Variants in TOGARAM1 observed in about 807,000 individuals in gnomAD.
The protein encoded by TOGARAM1 is TOG array regulator of axonemal microtubules protein 1.
A neutral mutation model predicts 166.6 loss-of-function variants in TOGARAM1; 100 were observed. The observed-to-expected ratio is 0.60, with a 90% confidence interval of 0.51 to 0.71. The LOEUF is 0.71. TOGARAM1 is among the 30% of genes least tolerant of loss of function. TOGARAM1 has a pLI of 0.00. For missense variants in TOGARAM1, 2,029 were observed against 2,102.7 expected (o/e 0.96, Z 0.69); for synonymous variants, 758 against 763.8 (o/e 0.99, Z 0.13).
intron 1 of TOGARAM1, among the ~76,000 whole-genome samples, chr14:44,990,815 G>T (rs1887081065): frequency 6.6e-6 from 1 of 151,832 alleles, no homozygotes; most frequent in African/African-American, 2.4e-5. Context: ...AAACACTTTG[G>T]GTTTTTTTCT....
intron 17 of TOGARAM1, among the ~76,000 whole-genome samples, chr14:45,067,758 TAATA>T (rs1342930169): frequency 1.3e-5 from 2 of 152,058 alleles, no homozygotes; most frequent in East Asian, 3.8e-4. Context: ...ACATGAAAAA[TAATA>T]AATAAGTATT....
intron 6 of TOGARAM1, among the ~76,000 whole-genome samples, chr14:45,011,464 C>T (rs927003938): frequency 1.3e-5 from 2 of 152,014 alleles, no homozygotes; most frequent in Non-Finnish European, 2.9e-5. Context: ...AGGTGTGCAC[C>T]GCCATGCCTG....
chr14:44,977,231 C>CT (rs397707333), intron 1 of TOGARAM1, among the ~76,000 whole-genome samples: 13,778 of 123,180 alleles, frequency 0.11, 1,303 homozygotes, highest in African/African-American at 0.16. Flanking sequence ...ATTAGACAGA[C>CT]TTTTTTTTTT....
chr14:45,000,148 G>A (rs1345118119), intron 3 of TOGARAM1, among the ~76,000 whole-genome samples: 3 of 151,866 alleles, frequency 2.0e-5, no homozygotes, highest in East Asian at 1.9e-4. Context: ...ACAGGTACAC[G>A]CCACCACGCC....
intron 2 of TOGARAM1, among the ~76,000 whole-genome samples, chr14:44,998,757 T>C (rs1887554454): frequency 6.6e-6 from 1 of 152,198 alleles, no homozygotes; most frequent in African/African-American, 2.4e-5. Context: ...GCTCATTTAA[T>C]AGATGGATAA....
intron 1 of TOGARAM1, among the ~76,000 whole-genome samples, chr14:44,977,231 C>CTTTTTT (rs397707333): frequency 3.2e-5 from 4 of 123,314 alleles, no homozygotes; most frequent in African/African-American, 6.1e-5. Flanking sequence ...ATTAGACAGA[C>CTTTTTT]TTTTTTTTTT....
At chr14:45,060,260 G>T (rs1154167) in intron 16 of TOGARAM1, among the ~76,000 whole-genome samples, 1 of 144,504 alleles carries the variant, frequency 6.9e-6, no homozygotes, top group African/African-American at 2.6e-5. Context: ...CTGTCACCCA[G>T]ACTGGAGTGC....
intron 1 of TOGARAM1, among the ~76,000 whole-genome samples, chr14:44,977,231 C>CTTTTTTT (rs397707333): frequency 2.4e-5 from 3 of 123,320 alleles, no homozygotes; most frequent in African/African-American, 3.0e-5. Context: ...ATTAGACAGA[C>CTTTTTTT]TTTTTTTTTT....
At chr14:45,049,806 G>A (rs907566031) in intron 14 of TOGARAM1, among the ~76,000 whole-genome samples, 1 of 151,634 alleles carries the variant, frequency 6.6e-6, no homozygotes, top group South Asian at 2.1e-4. Flanking sequence ...AATAAAGGAT[G>A]TTCTTTTCTC....
chr14:45,045,626 T>TATATATACATATATATACATATATAC (rs1881999258), intron 13 of TOGARAM1, among the ~76,000 whole-genome samples: 1 of 115,308 alleles, frequency 8.7e-6, no homozygotes, highest in Non-Finnish European at 1.8e-5. Context: ...TGTATATATA[T>TATATATACATATATATACATATATAC]GTATATATAT....
In TOGARAM1 at chr14:45,025,802, G is replaced by A. The variant is rs746804535; in HGVS notation, c.3258G>A (p.Gln1086=). 1.2e-6 allele frequency: 2 copies of A among 1,606,878 alleles called. No individual in the cohort carries two copies. Among genetic ancestry groups the A allele is most frequent in the African/African-American group, 2.7e-5 (2 of 74,814 alleles). ...SPSAGSSSNP[Q]QISSFDFTTT... ...TTACAGGGTCATCATCAAATCCACA[G>A]CAAATTTCCAGTTTTGACTTCACAA... The change falls in exon 8 of 20, where the codon CAG becomes CAA. Residue 1086 remains glutamine (Q), a synonymous_variant. Transcript: ENST00000361462.
At position 45,012,006 on chromosome 14, in the gene TOGARAM1, C is replaced by T; in HGVS notation, c.3169C>T (p.Pro1057Ser). The T allele has an allele frequency of 6.2e-7, 1 of 1,610,652 alleles. No individual in the cohort carries two copies. The highest frequency in any genetic ancestry group is 8.5e-7 in the Non-Finnish European group (1 of 1,178,750). The change falls in exon 7 of 20, where the codon CCT becomes TCT. Residue 1057 changes from proline (P) to serine (S), a missense_variant. Coordinates refer to ENST00000361462, the MANE Select transcript of TOGARAM1 (RefSeq NM_001308120.2). ...SDIFPTFGSK[P>S]CPTRLSSAKK... is the part of the protein sequence containing the mutation. ...CATATTTCCAACATTTGGGTCAAAACCTTGTCCAACAAGACTTTCTTCTGC... is the reference window on the plus strand; with the variant it reads ...CATATTTCCAACATTTGGGTCAAAATCTTGTCCAACAAGACTTTCTTCTGC...
At chr14:45,055,181 A>G (rs1402633910) in intron 16 of TOGARAM1, among the ~76,000 whole-genome samples, 3 of 152,214 alleles carry the variant, frequency 2.0e-5, no homozygotes, top group African/African-American at 7.2e-5. Flanking sequence ...TTGTATTTTT[A>G]TAAATGTAGG....
intron 16 of TOGARAM1, 91 bp from the exon 17 acceptor site, chr14:45,066,487 G>T: frequency 8.4e-7 from 1 of 1,192,736 alleles, no homozygotes; most frequent in Middle Eastern, 2.5e-4. Flanking sequence ...TTTGGAAAAT[G>T]AATGCATAAT....
chr14:45,004,352 C>A lies in TOGARAM1; in HGVS notation c.2630C>A (p.Thr877Lys). The change falls in exon 4 of 20, where the codon ACG becomes AAG. Residue 877 changes from threonine to lysine, a missense_variant. By Grantham distance (78) the Thr-to-Lys change is moderately conservative (BLOSUM62 -1). Around this residue, in one of 2 missense-constraint regions of TOGARAM1, gnomAD observed 1,453 missense variants for 1,432.2 expected, o/e 1.01. Coordinates refer to ENST00000361462, the MANE Select transcript of TOGARAM1 (RefSeq NM_001308120.2). ...KLVSQKSSDPTGRNHGENSQE... is the reference protein window; with the variant it reads ...KLVSQKSSDPKGRNHGENSQE... ...GTCAGCCAAAAATCGTCTGATCCTACGGGTAGAAATCATGGTAAAAGTCAA... is the reference window on the plus strand; with the variant it reads ...GTCAGCCAAAAATCGTCTGATCCTAAGGGTAGAAATCATGGTAAAAGTCAA... The A allele has an allele frequency of 6.2e-7, 1 of 1,612,972 alleles. No individual in the cohort carries two copies. Among genetic ancestry groups the A allele is most frequent in the South Asian group, 1.1e-5 (1 of 90,956 alleles).
chr14:45,037,320 T>G lies in TOGARAM1; in HGVS notation c.3812+4944T>G, dbSNP rs1881484914. On this transcript the variant is annotated intron_variant, in intron 11 of 19. Coordinates refer to ENST00000361462, the MANE Select transcript of TOGARAM1 (RefSeq NM_001308120.2). ...AGGATAATCTCCCTTTTGATTAACTTGAAGTCAACTGATTAGGGACCATAA... is the reference window on the plus strand; with the variant it reads ...AGGATAATCTCCCTTTTGATTAACTGGAAGTCAACTGATTAGGGACCATAA... Among the ~76,000 whole-genome samples, 4 of 152,336 alleles carry G rather than the reference T, an allele frequency of 2.6e-5. No homozygotes were observed. In the South Asian group the frequency reaches 8.3e-4, roughly 32 times the overall value.
intron 11 of TOGARAM1, among the ~76,000 whole-genome samples, chr14:45,033,559 C>T (rs1477593098): frequency 6.6e-6 from 1 of 152,140 alleles, no homozygotes; most frequent in Non-Finnish European, 1.5e-5. Context: ...CCACATTTGG[C>T]CCATGAGCCA....
In TOGARAM1 at chr14:45,025,880, A is replaced by G. The variant is rs751853360; in HGVS notation, c.3328+8A>G. 2 of 1,479,726 alleles carry G rather than the reference A, an allele frequency of 1.4e-6. No homozygotes were observed. Among genetic ancestry groups the G allele is most frequent in the South Asian group, 2.3e-5 (2 of 85,944 alleles). The allele number at this position is 1,479,726 out of a possible 1,614,324, so 91.7% of individuals were successfully genotyped here. On this transcript the variant is annotated splice_region_variant and intron_variant, in intron 8 of 19. Coordinates refer to ENST00000361462, the MANE Select transcript of TOGARAM1 (RefSeq NM_001308120.2). ...TAGTAGTTGTTGGAAAAGGTATTTCAAAGTTATTTCGCTTCTTAATTATAT... is the reference window on the plus strand; with the variant it reads ...TAGTAGTTGTTGGAAAAGGTATTTCGAAGTTATTTCGCTTCTTAATTATAT...
chr14:44,965,821 A>G (rs1453449588), intron 1 of TOGARAM1, among the ~76,000 whole-genome samples: 1 of 151,674 alleles, frequency 6.6e-6, no homozygotes, highest in Non-Finnish European at 1.5e-5. Flanking sequence ...GCATCCACCA[A>G]TGGTCTTTAC....
Sources: gnomAD v4.1 joint callset for allele counts (sites outside exome capture counted in the v4.1 genomes callset) on GRCh38, gnomAD v4.1.1 for gene constraint, gnomAD v4.1.1 regional missense constraint, MANE v1.5 for transcripts, NCBI Gene and HGNC (gene_info 2026-07-23, HGNC 2026-07-21) for gene names.